Variants in ZNF804B observed in about 807,000 individuals in gnomAD.
ZNF804B encodes zinc finger protein 804B.
A neutral mutation model predicts 101.4 loss-of-function variants in ZNF804B; 80 were observed. The observed-to-expected ratio is 0.79, with a 90% CI of 0.66 to 0.95. The LOEUF is 0.95. Ranked by LOEUF, ZNF804B falls within the 40% of genes least tolerant of loss-of-function variation. The pLI is 0.00. For synonymous variants in ZNF804B, 622 were observed against 558.8 expected, an observed-to-expected ratio of 1.11 and a Z score of -1.59; for missense variants, 1,673 against 1,561.9, an observed-to-expected ratio of 1.07 and a Z score of -1.20.
At chr7:89,263,083 G>A (rs1173606556) in intron 2 of ZNF804B, among the ~76,000 whole-genome samples, 1 of 152,136 alleles carries the variant, frequency 6.6e-6, no homozygotes, top group Non-Finnish European at 1.5e-5. Context: ...GCATCCCTTG[G>A]CAGCTGTTTT....
At chr7:88,894,070 A>G (rs1373926790) in intron 1 of ZNF804B, among the ~76,000 whole-genome samples, 2 of 152,200 alleles carry the variant, frequency 1.3e-5, no homozygotes, top group Non-Finnish European at 2.9e-5. Flanking sequence ...TAAGTTTTCA[A>G]AAATACTGTA....
At chr7:89,052,092 C>A (rs901215230) in intron 1 of ZNF804B, among the ~76,000 whole-genome samples, 3 of 151,904 alleles carry the variant, frequency 2.0e-5, no homozygotes, top group Non-Finnish European at 2.9e-5. Flanking sequence ...ATTTAAAGAT[C>A]TCTCCCACTC....
chr7:89,201,914 T>C (rs1014162525), intron 1 of ZNF804B, among the ~76,000 whole-genome samples: 1 of 152,136 alleles, frequency 6.6e-6, no homozygotes, highest in Non-Finnish European at 1.5e-5. Flanking sequence ...TGCTTAGGTA[T>C]GTACCTGTGT....
chr7:89,002,365 C>G (rs974460254), intron 1 of ZNF804B, among the ~76,000 whole-genome samples: 13 of 151,798 alleles, frequency 8.6e-5, no homozygotes, highest in African/African-American at 3.1e-4. Flanking sequence ...AAACCTAATC[C>G]TTTAAACCTC....
chr7:88,917,922 T>C (rs1327221990), intron 1 of ZNF804B, among the ~76,000 whole-genome samples: 1 of 152,080 alleles, frequency 6.6e-6, no homozygotes, highest in East Asian at 1.9e-4. Context: ...AGTTCAAAAT[T>C]AGTCAATATC....
intron 2 of ZNF804B, among the ~76,000 whole-genome samples, chr7:89,238,848 G>A (rs566306433): frequency 6.6e-6 from 1 of 152,274 alleles, no homozygotes; most frequent in East Asian, 1.9e-4. Flanking sequence ...CCTGGGTGTT[G>A]TTGAGGCTAG....
At chr7:88,841,456 T>C (rs1791290684) in intron 1 of ZNF804B, among the ~76,000 whole-genome samples, 1 of 152,158 alleles carries the variant, frequency 6.6e-6, no homozygotes, top group African/African-American at 2.4e-5. Context: ...TTAGTGGTAA[T>C]CTGTGCATAT....
rs761078937 is a variant in ZNF804B at position 89,333,916 on chromosome 7, G to A, written c.934G>A (p.Glu312Lys). 5.6e-6 allele frequency: 9 copies of A among 1,613,408 alleles called. No homozygotes were observed. In the Admixed American group the frequency reaches 1.2e-4, roughly 21 times the overall value. ...ILQDKHDSID[E>K]TLEDSIGIHA... ...GCAAGACAAACACGACTCTATTGAT[G>A]AGACACTAGAAGATTCAATTGGCAT... is the stretch of plus-strand genomic sequence containing the variant. Residue 312 changes from glutamate to lysine, a missense_variant, in exon 4 of 4, where the codon GAG becomes AAG. Glu to Lys is a moderately conservative substitution (Grantham distance 56). Transcript: ENST00000333190.
chr7:89,225,166 A>G (rs567616070), intron 2 of ZNF804B, among the ~76,000 whole-genome samples: 16 of 152,092 alleles, frequency 1.1e-4, no homozygotes, highest in African/African-American at 3.1e-4. Flanking sequence ...TTCCAGTTCT[A>G]ATGTCCTGTT....
At chr7:89,124,119 C>G (rs1331497255) in intron 1 of ZNF804B, among the ~76,000 whole-genome samples, 1 of 152,138 alleles carries the variant, frequency 6.6e-6, no homozygotes, top group East Asian at 1.9e-4. Context: ...GGCTTCTGGT[C>G]AAGCTGGACT....
At chr7:89,192,381 C>T (rs1478137942) in intron 1 of ZNF804B, among the ~76,000 whole-genome samples, 2 of 151,558 alleles carry the variant, frequency 1.3e-5, no homozygotes, top group Non-Finnish European at 2.9e-5. Context: ...GGATAAAAAA[C>T]GGTGGTATGT....
intron 1 of ZNF804B, among the ~76,000 whole-genome samples, chr7:89,103,090 A>T (rs1583987760): frequency 6.2e-5 from 5 of 80,162 alleles, no homozygotes; most frequent in Admixed American, 1.9e-4. Flanking sequence ...TTTTACCAAT[A>T]CTGTGGTGTT....
chr7:89,118,087 C>T (rs1212548733), intron 1 of ZNF804B, among the ~76,000 whole-genome samples: 1 of 152,138 alleles, frequency 6.6e-6, no homozygotes. Context: ...CAGAAAGAAA[C>T]TGGATGAACC....
intron 1 of ZNF804B, among the ~76,000 whole-genome samples, chr7:88,921,686 G>A (rs10251757): frequency 2.6e-5 from 4 of 151,778 alleles, no homozygotes; most frequent in Admixed American, 6.6e-5. Flanking sequence ...GTGAGACTAG[G>A]TTAACCTGCT....
At chr7:88,883,378 A>G (rs1275010879) in intron 1 of ZNF804B, among the ~76,000 whole-genome samples, 2 of 152,086 alleles carry the variant, frequency 1.3e-5, no homozygotes, top group Non-Finnish European at 1.5e-5. Context: ...TTGTGCATAC[A>G]ACTAGACTAG....
At chr7:89,021,979 G>T (rs888856577) in intron 1 of ZNF804B, among the ~76,000 whole-genome samples, 1 of 152,180 alleles carries the variant, frequency 6.6e-6, no homozygotes, top group African/African-American at 2.4e-5. Context: ...GGCTTTCAAG[G>T]ACTGTGGGAT....
chr7:89,121,324 A>G (rs1462538211), intron 1 of ZNF804B, among the ~76,000 whole-genome samples: 5 of 152,186 alleles, frequency 3.3e-5, no homozygotes, highest in African/African-American at 4.8e-5. Flanking sequence ...TAAAGACTGT[A>G]TGTGAGTTGT....
At chr7:89,058,679 G>A (rs1054711403) in intron 1 of ZNF804B, among the ~76,000 whole-genome samples, 1 of 152,022 alleles carries the variant, frequency 6.6e-6, no homozygotes, top group Admixed American at 6.6e-5. Flanking sequence ...CAGAAATGTG[G>A]CAGTGAAGGG....
intron 1 of ZNF804B, among the ~76,000 whole-genome samples, chr7:88,802,716 A>G (rs1467733355): frequency 1.3e-5 from 2 of 149,604 alleles, no homozygotes; most frequent in Non-Finnish European, 1.5e-5. Flanking sequence ...ACCATAATGA[A>G]CAGGAAAAAA....
Sources: allele counts gnomAD v4.1 joint callset (sites outside exome capture counted in the v4.1 genomes callset), GRCh38; gene constraint gnomAD v4.1.1; transcripts MANE v1.5; gene names NCBI Gene and HGNC (gene_info 2026-07-23, HGNC 2026-07-21).